The following FAM83A variants were observed in gnomAD, a reference collection of about 807,000 sequenced individuals.
FAM83A encodes the protein scaffolding CK1 anchoring protein A, also known as protein FAM83A.
FAM83A carries 21 observed loss-of-function variants against 24.4 expected under a neutral mutation model. The ratio of observed to expected loss-of-function variants is 0.86; its 90% CI spans 0.61 to 1.24. The LOEUF is 1.24. Among genes scored for constraint, FAM83A ranks in the 50% most tolerant of loss-of-function variants. FAM83A has a pLI of 0.00. For missense variants in FAM83A, 617 were observed against 579.8 expected (o/e 1.06, Z -0.66); for synonymous variants, 270 against 252.4 (o/e 1.07, Z -0.66).
intron 1 of FAM83A, among the ~76,000 whole-genome samples, chr8:123,186,554 G>A (rs566547386): frequency 5.9e-5 from 9 of 152,278 alleles, no homozygotes; most frequent in African/African-American, 2.2e-4. Flanking sequence ...TCCAGGCTGG[G>A]CACGGTGGCT....
chr8:123,195,397 A>C (rs769202042), intron 3 of FAM83A, among the ~76,000 whole-genome samples: 1 of 152,226 alleles, frequency 6.6e-6, no homozygotes, highest in Non-Finnish European at 1.5e-5. Context: ...AAAGGGAAAG[A>C]GAGAAGGGAG....
In FAM83A at chr8:123,189,274, C is replaced by T. The variant is rs140285179; in HGVS notation, c.481-2529C>T. Reference sequence around the variant, plus strand: ...GAGCAATCTCTGAGGAGTTCCCTCCCCTGTCCAGCTATCCATCCACATCAC... The same window carrying T: ...GAGCAATCTCTGAGGAGTTCCCTCCTCTGTCCAGCTATCCATCCACATCAC... On this transcript the variant is annotated intron_variant, in intron 1 of 3. Transcript: ENST00000690554. 1.8e-3 allele frequency among the ~76,000 whole-genome samples: 267 copies of T among 152,344 alleles called. 1 individual carries two copies. Among genetic ancestry groups the T allele is most frequent in the African/African-American group, 6.1e-3 (254 of 41,578 alleles).
chr8:123,191,880 G>A, exon 2 of FAM83A: 1 of 1,614,176 alleles, frequency 6.2e-7, no homozygotes, highest in Non-Finnish European at 8.5e-7. Context: ...ACAAGCGTGG[G>A]GTGTTCGTTT....
At position 123,209,113 on chromosome 8, in the gene FAM83A, G is replaced by C. The variant is rs1172268058; in HGVS notation, c.*1425G>C. The stretch of plus-strand genomic sequence containing the variant: ...GGTCAGTGGTATGTGATCCAGGCTG[G>C]GGAGCCAGAGGGGAGCAGGTGCCAA... On this transcript the variant is annotated 3_prime_UTR_variant, in exon 4 of 4. Coordinates refer to ENST00000690554, the Ensembl canonical transcript of FAM83A. The surrounding 1 kb of genome is among the most constrained non-coding windows in gnomAD (Gnocchi z 4.7). The C allele has an allele frequency of 9.6e-7, 1 of 1,042,774 alleles. No homozygotes were observed. The highest frequency in any genetic ancestry group is 1.7e-5 in the African/African-American group (1 of 58,670). 64.6% of individuals were successfully genotyped at this position (1,042,774 alleles called of 1,614,324 possible).
chr8:123,205,459 G>C (rs1193264383), intron 3 of FAM83A, among the ~76,000 whole-genome samples: 1 of 152,198 alleles, frequency 6.6e-6, no homozygotes, highest in Non-Finnish European at 1.5e-5. Flanking sequence ...GGTGGTTCCC[G>C]GCGGGAGGTG....
chr8:123,207,309 C>G (rs970806160), exon 4 of FAM83A: 2 of 1,611,726 alleles, frequency 1.2e-6, no homozygotes, highest in Non-Finnish European at 1.7e-6. Flanking sequence ...GCCCCCGTCC[C>G]GCCCGGAGCA....
intron 1 of FAM83A, among the ~76,000 whole-genome samples, 189 bp from the exon 2 acceptor site, chr8:123,191,614 G>A (rs1041171882): frequency 1.3e-5 from 2 of 152,122 alleles, no homozygotes; most frequent in African/African-American, 4.8e-5. Context: ...AGGCGCAGGG[G>A]CCTCCACTCC....
At chr8:123,179,666 A>G (rs927406465), upstream of FAM83A, 1 of 152,210 alleles carries the variant, frequency 6.6e-6, no homozygotes, top group African/African-American at 2.4e-5. Flanking sequence ...TTCAACTAGA[A>G]TCTCTGGGTC....
At chr8:123,182,035 T>C (rs1339204376), upstream of FAM83A, 17 of 456,116 alleles carry the variant, frequency 3.7e-5, no homozygotes, top group Non-Finnish European at 6.6e-5. Context: ...GCGCCAACAC[T>C]GACTGGTCCC....
chr8:123,181,250 C>T (rs1168284095), upstream of FAM83A, among the ~76,000 whole-genome samples: 1 of 152,186 alleles, frequency 6.6e-6, no homozygotes, highest in Non-Finnish European at 1.5e-5. Context: ...CCCAGCCGCG[C>T]CACACTTTAA....
At chr8:123,194,802 T>A (rs1824094668) in intron 3 of FAM83A, among the ~76,000 whole-genome samples, 1 of 152,142 alleles carries the variant, frequency 6.6e-6, no homozygotes, top group Non-Finnish European at 1.5e-5. Flanking sequence ...TTTTTAAATT[T>A]TTATTATTTG....
At chr8:123,190,793 T>C (rs1382178088) in intron 1 of FAM83A, among the ~76,000 whole-genome samples, 1 of 152,204 alleles carries the variant, frequency 6.6e-6, no homozygotes, top group Admixed American at 6.5e-5. Flanking sequence ...CTCTACCTCC[T>C]GGCTGCTTTC....
chr8:123,206,787 C>A (rs1824564367), intron 3 of FAM83A, among the ~76,000 whole-genome samples: 1 of 152,162 alleles, frequency 6.6e-6, no homozygotes, highest in African/African-American at 2.4e-5. Context: ...ATGAAATGAG[C>A]CCAAGAGGAG....
upstream of FAM83A, chr8:123,182,648 TC>T (rs1019905077): frequency 3.7e-6 from 3 of 813,194 alleles, no homozygotes; most frequent in African/African-American, 5.1e-5. Context: ...GATAAGCCAA[TC>T]CCGCAGCTGC....
At chr8:123,191,157 G>A (rs1823961305) in intron 1 of FAM83A, among the ~76,000 whole-genome samples, 1 of 152,192 alleles carries the variant, frequency 6.6e-6, no homozygotes. Flanking sequence ...GTTGACAGAA[G>A]AAGGGAGAAT....
intron 3 of FAM83A, among the ~76,000 whole-genome samples, chr8:123,200,644 C>T (rs970382598): frequency 1.6e-4 from 24 of 152,164 alleles, no homozygotes; most frequent in African/African-American, 5.8e-4. Flanking sequence ...TGGTGAAACC[C>T]CATCTCTACT....
In FAM83A at chr8:123,209,113, GGGA is replaced by G; in HGVS notation, c.*1427_*1429del. 1 of 1,042,892 alleles carries G rather than the reference GGGA, an allele frequency of 9.6e-7. No individual in the cohort carries two copies. The highest frequency in any genetic ancestry group is 5.1e-5 in the Admixed American group (1 of 19,602). The allele number at this position is 1,042,892 out of a possible 1,614,324, so 64.6% of individuals were successfully genotyped here. On this transcript the variant is annotated 3_prime_UTR_variant, in exon 4 of 4. Transcript: ENST00000690554. The surrounding 1 kb of genome is among the most constrained non-coding windows in gnomAD (Gnocchi z 4.7). The stretch of plus-strand genomic sequence containing the variant: ...GGTCAGTGGTATGTGATCCAGGCTG[GGGA>G]GCCAGAGGGGAGCAGGTGCCAACTC...
exon 4 of FAM83A, chr8:123,207,486 G>C: frequency 6.3e-7 from 1 of 1,583,854 alleles, no homozygotes; most frequent in Non-Finnish European, 8.6e-7. Flanking sequence ...CCACCGCCCC[G>C]GTTCCAGCCC....
In FAM83A at chr8:123,209,773, C is replaced by T. The variant is rs1265261263; in HGVS notation, c.*2085C>T. 13 of 566,408 alleles carry T rather than the reference C, an allele frequency of 2.3e-5. No homozygotes were observed. The highest frequency in any genetic ancestry group is 8.6e-5 in the East Asian group (3 of 35,032). 35.1% of individuals were successfully genotyped at this position (566,408 alleles called of 1,614,324 possible). ...CCATCAGCAGTCTCCCCTCCGTGGT[C>T]GTCTTTGTTGACAAAGGTGCAGTTT... On this transcript the variant is annotated 3_prime_UTR_variant, in exon 4 of 4. Coordinates refer to ENST00000690554, the Ensembl canonical transcript of FAM83A. The surrounding 1 kb of genome is among the most constrained non-coding windows in gnomAD (Gnocchi z 4.7).
Sources: gnomAD v4.1 joint callset for allele counts (sites outside exome capture counted in the v4.1 genomes callset) on GRCh38, gnomAD v4.1.1 for gene constraint, Gnocchi (gnomAD v3.1) non-coding constraint, MANE v1.5 for transcripts, NCBI Gene and HGNC (gene_info 2026-07-23, HGNC 2026-07-21) for gene names.